The following SGMS2 variants were observed in gnomAD, a reference collection of about 807,000 sequenced individuals.
SGMS2 encodes the protein sphingomyelin synthase 2.
SGMS2 carries 21 observed loss-of-function variants against 43.8 expected under a neutral mutation model. That is an observed-to-expected ratio of 0.48 (90% CI 0.34 to 0.69). SGMS2 has a LOEUF of 0.69. Ranked by LOEUF, SGMS2 falls within the 30% of genes least tolerant of loss-of-function variation. SGMS2 has a pLI of 0.01. For missense variants in SGMS2, 384 were observed against 443.2 expected, an observed-to-expected ratio of 0.87 and a Z score of 1.20; for synonymous variants, 167 against 160.6, an observed-to-expected ratio of 1.04 and a Z score of -0.30.
At chr4:107,838,190 G>A (rs1726301391) in intron 1 of SGMS2, among the ~76,000 whole-genome samples, 1 of 152,172 alleles carries the variant, frequency 6.6e-6, no homozygotes, top group African/African-American at 2.4e-5. Flanking sequence ...AGATGCTACA[G>A]GAACCAAATG....
At chr4:107,852,518 A>G (rs748003706) in intron 1 of SGMS2, among the ~76,000 whole-genome samples, 1 of 152,200 alleles carries the variant, frequency 6.6e-6, no homozygotes, top group Non-Finnish European at 1.5e-5. Context: ...TAAATCTATT[A>G]TATGTTAGCA....
chr4:107,849,470 A>G (rs1186693248), intron 1 of SGMS2, among the ~76,000 whole-genome samples: 1 of 152,166 alleles, frequency 6.6e-6, no homozygotes, highest in Admixed American at 6.6e-5. Flanking sequence ...CAGTCCGGCA[A>G]TAGAAAGTCA....
intron 2 of SGMS2, among the ~76,000 whole-genome samples, chr4:107,876,175 T>C (rs2126068726): frequency 6.6e-6 from 1 of 152,294 alleles, no homozygotes; most frequent in Admixed American, 6.5e-5. Context: ...TAATAACCAG[T>C]AACCCATTAT....
chr4:107,836,101 A>T (rs922717909), intron 1 of SGMS2, among the ~76,000 whole-genome samples: 1 of 152,208 alleles, frequency 6.6e-6, no homozygotes, highest in African/African-American at 2.4e-5. Context: ...AAATTCTTGA[A>T]ATTTTTACAT....
intron 1 of SGMS2, among the ~76,000 whole-genome samples, chr4:107,851,200 C>T (rs1466315101): frequency 1.3e-5 from 2 of 152,120 alleles, no homozygotes; most frequent in East Asian, 1.9e-4. Context: ...TGGAAGTCTA[C>T]GGTGCATGCC....
At chr4:107,892,434 CAG>C (rs35876190) in intron 2 of SGMS2, among the ~76,000 whole-genome samples, 67,505 of 151,414 alleles carry the variant, frequency 0.45, 15,601 homozygotes, top group East Asian at 0.72. Flanking sequence ...CACCTCCACT[CAG>C]AATCCCTCTG....
chr4:107,876,180 C>G (rs1314716758), intron 2 of SGMS2, among the ~76,000 whole-genome samples: 3 of 151,992 alleles, frequency 2.0e-5, no homozygotes, highest in Non-Finnish European at 1.5e-5. Flanking sequence ...ACCAGTAACC[C>G]ATTATATTTT....
intron 2 of SGMS2, among the ~76,000 whole-genome samples, chr4:107,883,501 A>T (rs1729517582): frequency 6.6e-6 from 1 of 152,090 alleles, no homozygotes; most frequent in African/African-American, 2.4e-5. Context: ...TTTTTAGTAG[A>T]GATAGGGTTT....
intron 1 of SGMS2, among the ~76,000 whole-genome samples, chr4:107,831,028 A>G (rs538959359): frequency 1.3e-5 from 2 of 152,334 alleles, no homozygotes; most frequent in South Asian, 4.1e-4. Context: ...AATGGAAATT[A>G]TATCCACTCT....
intron 2 of SGMS2, among the ~76,000 whole-genome samples, chr4:107,880,259 A>C (rs767082873): frequency 1.5e-4 from 23 of 152,202 alleles, no homozygotes; most frequent in African/African-American, 4.8e-4. Flanking sequence ...AAATCCTATC[A>C]TACTAAAAAA....
chr4:107,891,998 T>C (rs1349636648), intron 2 of SGMS2, among the ~76,000 whole-genome samples: 3 of 151,962 alleles, frequency 2.0e-5, no homozygotes, highest in Non-Finnish European at 4.4e-5. Context: ...TGCTCTTCAT[T>C]AGACAAAAGA....
intron 5 of SGMS2, among the ~76,000 whole-genome samples, chr4:107,905,246 C>A (rs539787994): frequency 6.6e-6 from 1 of 152,092 alleles, no homozygotes; most frequent in African/African-American, 2.4e-5. Context: ...TGGCAGCAGA[C>A]GAGAAAATGA....
At chr4:107,862,249 A>G (rs1169595709) in intron 2 of SGMS2, among the ~76,000 whole-genome samples, 1 of 152,206 alleles carries the variant, frequency 6.6e-6, no homozygotes, top group African/African-American at 2.4e-5. Flanking sequence ...TTTGGCTCCT[A>G]GAGTAACCCA....
chr4:107,870,846 A>T (rs1728509087), intron 2 of SGMS2, among the ~76,000 whole-genome samples: 1 of 152,168 alleles, frequency 6.6e-6, no homozygotes, highest in Non-Finnish European at 1.5e-5. Context: ...TTTATATTTT[A>T]AAAAGCAATT....
At chr4:107,894,756 C>G (rs1730521549) in intron 2 of SGMS2, among the ~76,000 whole-genome samples, 1 of 152,154 alleles carries the variant, frequency 6.6e-6, no homozygotes, top group Admixed American at 6.5e-5. Flanking sequence ...TTTTAAAAAT[C>G]TTGAATGTGT....
In SGMS2 at chr4:107,908,609, C is replaced by T. The variant is rs775062373; in HGVS notation, c.772C>T (p.Leu258=). The change falls in exon 6 of 7, where the codon CTG becomes TTG. Residue 258 remains leucine, a synonymous_variant. Transcript: ENST00000690982. ...FWWYHLICWL[L]SAAGIICILV... Reference sequence around the variant, plus strand: ...GTGGTATCATTTAATCTGCTGGCTGCTGAGTGCTGCCGGGATCATCTGCAT... The same window carrying T: ...GTGGTATCATTTAATCTGCTGGCTGTTGAGTGCTGCCGGGATCATCTGCAT... 2 of 1,614,082 alleles carry T rather than the reference C, an allele frequency of 1.2e-6. No individual in the cohort carries two copies.
chr4:107,859,263 G>T (rs1253079618), intron 2 of SGMS2, among the ~76,000 whole-genome samples: 3 of 150,372 alleles, frequency 2.0e-5, no homozygotes, highest in Non-Finnish European at 3.0e-5. Flanking sequence ...TAGCTGTTTT[G>T]TTTTTTTTTA....
At chr4:107,882,595 G>C (rs1271555734) in intron 2 of SGMS2, among the ~76,000 whole-genome samples, 4 of 151,966 alleles carry the variant, frequency 2.6e-5, no homozygotes, top group African/African-American at 9.7e-5. Context: ...AAAAAATCTG[G>C]CTAACAATAT....
Position 107,910,614 on chromosome 4 carries a change from A to G in SGMS2, c.*61A>G, listed in dbSNP as rs372810221. 1.5e-5 allele frequency: 23 copies of G among 1,510,598 alleles called. No homozygotes were observed. The highest frequency in any genetic ancestry group is 7.0e-5 in the East Asian group (3 of 42,798). 93.6% of individuals were successfully genotyped at this position (1,510,598 alleles called of 1,614,324 possible). On this transcript the variant is annotated 3_prime_UTR_variant, in exon 7 of 7. Transcript: ENST00000690982. ...GAGTTAACGCTGTAACCAAAGGTAT[A>G]GTTTTGTTTTTTATTTTAGGAGAAC... is the stretch of plus-strand genomic sequence containing the variant.
Sources: allele counts gnomAD v4.1 joint callset (sites outside exome capture counted in the v4.1 genomes callset), GRCh38; gene constraint gnomAD v4.1.1; transcripts MANE v1.5; gene names NCBI Gene and HGNC (gene_info 2026-07-23, HGNC 2026-07-21).